ZNF704: variants seen among roughly 807,000 people sequenced by gnomAD.
The protein encoded by ZNF704 is zinc finger protein 704, also known as glucocorticoid induced gene 1.
A neutral mutation model predicts 44.7 loss-of-function variants in ZNF704; 10 were observed. That is an observed-to-expected ratio of 0.22 (90% CI 0.14 to 0.38). The LOEUF (loss-of-function observed/expected upper bound fraction) is 0.38. Among genes scored for constraint, ZNF704 ranks in the 10% least tolerant of loss-of-function variants. ZNF704 has a pLI of 1.00. For missense variants in ZNF704, 390 were observed against 545.5 expected, an observed-to-expected ratio of 0.71 and a Z score of 2.84; for synonymous variants, 211 against 207.6, an observed-to-expected ratio of 1.02 and a Z score of -0.14.
chr8:80,703,126 C>T (rs772269672), intron 2 of ZNF704, among the ~76,000 whole-genome samples: 8 of 152,088 alleles, frequency 5.3e-5, no homozygotes, highest in Middle Eastern at 3.2e-3. Context: ...TCTGGTCTCC[C>T]GACTCTCTAC....
chr8:80,747,811 G>A (rs970481598), intron 2 of ZNF704, among the ~76,000 whole-genome samples: 6 of 152,150 alleles, frequency 3.9e-5, no homozygotes, highest in East Asian at 1.9e-4. Flanking sequence ...CCACCTCCCC[G>A]ATTCAAGCGA....
intron 1 of ZNF704, among the ~76,000 whole-genome samples, chr8:80,860,669 T>C (rs577846350): frequency 4.6e-5 from 7 of 152,332 alleles, no homozygotes; most frequent in African/African-American, 1.4e-4. Flanking sequence ...TTTCCTATGT[T>C]AGACAAGATC....
Position 80,868,240 on chromosome 8 carries a change from T to A in ZNF704, c.-22+6331A>T, listed in dbSNP as rs541207380. ...AGGCAGGGGAGTAGGGAGGGGTTTG[T>A]GTGTTCAGGACTGTTACCACTGCAG... is the stretch of plus-strand genomic sequence containing the variant. On this transcript the variant is annotated intron_variant, in intron 1 of 8. Transcript: ENST00000327835. 2.6e-5 allele frequency among the ~76,000 whole-genome samples: 4 copies of A among 152,326 alleles called. No homozygotes were observed. In the South Asian group the frequency reaches 8.3e-4, roughly 32 times the overall value.
At chr8:80,755,237 C>T (rs112404451) in intron 2 of ZNF704, among the ~76,000 whole-genome samples, 3 of 151,990 alleles carry the variant, frequency 2.0e-5, no homozygotes, top group Admixed American at 6.6e-5. Context: ...GAGGCCAAGA[C>T]GGGCAGATCA....
intron 5 of ZNF704, among the ~76,000 whole-genome samples, chr8:80,665,825 TA>T (rs1217971486): frequency 7.3e-4 from 110 of 151,158 alleles, no homozygotes; most frequent in African/African-American, 2.4e-3. Context: ...TATTTTATTT[TA>T]TTTTATTTTT....
At chr8:80,706,566 A>T (rs1818902217) in intron 2 of ZNF704, among the ~76,000 whole-genome samples, 1 of 152,226 alleles carries the variant, frequency 6.6e-6, no homozygotes, top group Non-Finnish European at 1.5e-5. Context: ...CCCAGGAGCA[A>T]GGGGGGATGT....
intron 6 of ZNF704, among the ~76,000 whole-genome samples, chr8:80,660,915 GAAAC>G (rs909154734): frequency 2.6e-5 from 4 of 151,998 alleles, no homozygotes; most frequent in Non-Finnish European, 2.9e-5. Flanking sequence ...AAAAGCACAA[GAAAC>G]AAACAAACAA....
chr8:80,867,868 T>C (rs934925891), intron 1 of ZNF704, among the ~76,000 whole-genome samples: 2 of 152,246 alleles, frequency 1.3e-5, no homozygotes, highest in Non-Finnish European at 2.9e-5. Context: ...TTAACATATA[T>C]TATCTCATTT....
At position 80,630,773 on chromosome 8, in the gene ZNF704, T is replaced by A. The variant is rs1817571093; in HGVS notation, c.*10593A>T. The stretch of plus-strand genomic sequence containing the variant: ...AAACACTTTGGAAACTATTCTAGTG[T>A]CTGGTTATTCCAGAAAGCCTATGTT... On this transcript the variant is annotated 3_prime_UTR_variant, in exon 9 of 9. Transcript: ENST00000327835. 1 of 152,234 alleles carries A rather than the reference T, an allele frequency of 6.6e-6. No homozygotes were observed. The highest frequency in any genetic ancestry group is 1.5e-5 in the Non-Finnish European group (1 of 68,054). The allele number at this position is 152,234 out of a possible 1,614,324, so 9.4% of individuals were successfully genotyped here. A position where few individuals can be genotyped will look rare whatever the true frequency, so the allele number is the denominator to read the frequency against.
intron 1 of ZNF704, among the ~76,000 whole-genome samples, chr8:80,850,349 TA>T (rs1187177778): frequency 6.6e-6 from 1 of 152,190 alleles, no homozygotes; most frequent in African/African-American, 2.4e-5. Context: ...AACTCCATTT[TA>T]AAATCTCATT....
intron 2 of ZNF704, among the ~76,000 whole-genome samples, chr8:80,717,943 T>C (rs1041108648): frequency 1.3e-5 from 2 of 152,186 alleles, no homozygotes; most frequent in African/African-American, 4.8e-5. Flanking sequence ...TGAACTTGCA[T>C]ACAAATGTGT....
At chr8:80,765,598 T>C (rs1807214527) in intron 2 of ZNF704, among the ~76,000 whole-genome samples, 1 of 152,198 alleles carries the variant, frequency 6.6e-6, no homozygotes, top group Non-Finnish European at 1.5e-5. Flanking sequence ...CACACTATTT[T>C]ATTCCCCAGA....
At chr8:80,839,758 G>T (rs1808644808) in intron 1 of ZNF704, among the ~76,000 whole-genome samples, 1 of 152,172 alleles carries the variant, frequency 6.6e-6, no homozygotes, top group Non-Finnish European at 1.5e-5. Flanking sequence ...AAAAAGACAT[G>T]CTTGAGGGGT....
intron 8 of ZNF704, among the ~76,000 whole-genome samples, chr8:80,641,703 C>T (rs370144549): frequency 2.6e-5 from 4 of 152,188 alleles, no homozygotes; most frequent in East Asian, 3.9e-4. Flanking sequence ...TCTGTCTCTA[C>T]TTAAAACACA....
At chr8:80,820,341 C>T (rs1808247925) in intron 2 of ZNF704, among the ~76,000 whole-genome samples, 1 of 152,134 alleles carries the variant, frequency 6.6e-6, no homozygotes, top group Non-Finnish European at 1.5e-5. Flanking sequence ...GAATATTGTC[C>T]TTTGGTTCAG....
chr8:80,801,800 A>T (rs1807904334), intron 2 of ZNF704, among the ~76,000 whole-genome samples: 1 of 152,200 alleles, frequency 6.6e-6, no homozygotes, highest in Non-Finnish European at 1.5e-5. Flanking sequence ...CAACGCTAGC[A>T]GAAGACAAGA....
chr8:80,842,669 T>G (rs1808701507), intron 1 of ZNF704, among the ~76,000 whole-genome samples: 1 of 152,132 alleles, frequency 6.6e-6, no homozygotes, highest in South Asian at 2.1e-4. Flanking sequence ...TTCTCACTCT[T>G]TTAAAAGCTT....
At chr8:80,746,753 G>A (rs939545928) in intron 2 of ZNF704, among the ~76,000 whole-genome samples, 1 of 152,184 alleles carries the variant, frequency 6.6e-6, no homozygotes, top group Admixed American at 6.5e-5. Flanking sequence ...AGCAAACTCA[G>A]TCCTGGGTGC....
intron 7 of ZNF704, among the ~76,000 whole-genome samples, chr8:80,649,742 G>C (rs909856990): frequency 4.6e-5 from 7 of 152,218 alleles, no homozygotes; most frequent in African/African-American, 1.7e-4. Flanking sequence ...TGGGGGCAGG[G>C]CATAGCCAAA....
Sources: gnomAD v4.1 joint callset for allele counts (sites outside exome capture counted in the v4.1 genomes callset) on GRCh38, gnomAD v4.1.1 for gene constraint, MANE v1.5 for transcripts, NCBI Gene and HGNC (gene_info 2026-07-23, HGNC 2026-07-21) for gene names.